The following PTPRG variants were observed in gnomAD, a reference collection of about 807,000 sequenced individuals.
The protein encoded by PTPRG is receptor-type tyrosine-protein phosphatase gamma.
PTPRG carries 102 observed loss-of-function variants against 165.3 expected under a neutral mutation model. That is an observed-to-expected ratio of 0.62 (90% CI 0.53 to 0.73). PTPRG has a LOEUF of 0.73. Ranked by LOEUF, PTPRG falls within the 30% of genes least tolerant of loss-of-function variation. The probability of loss-of-function intolerance (pLI) is 0.00; values close to 1 mark genes in which losing one functional copy is unlikely to be tolerated. For synonymous variants in PTPRG, 675 were observed against 669.5 expected, an observed-to-expected ratio of 1.01 and a Z score of -0.13; for missense variants, 1,866 against 1,861.4, an observed-to-expected ratio of 1.00 and a Z score of -0.05.
chr3:61,622,406 G>T (rs1701486219), intron 1 of PTPRG, among the ~76,000 whole-genome samples: 1 of 151,964 alleles, frequency 6.6e-6, no homozygotes, highest in Admixed American at 6.6e-5. Context: ...CATTTCTGTA[G>T]TTTTCCGTTG....
intron 4 of PTPRG, among the ~76,000 whole-genome samples, chr3:62,066,013 C>T (rs1172284030): frequency 6.6e-6 from 1 of 152,134 alleles, no homozygotes; most frequent in Non-Finnish European, 1.5e-5. Flanking sequence ...GATGTGGTAG[C>T]ATTCAGCTGT....
chr3:61,651,365 CT>C (rs11372460), intron 1 of PTPRG, among the ~76,000 whole-genome samples: 8 of 147,672 alleles, frequency 5.4e-5, no homozygotes, highest in African/African-American at 2.0e-4. Flanking sequence ...TGTTAATAAT[CT>C]TTTTTTTTTT....
chr3:61,792,979 G>C (rs1025568839), intron 2 of PTPRG, among the ~76,000 whole-genome samples: 1 of 152,004 alleles, frequency 6.6e-6, no homozygotes, highest in Admixed American at 6.6e-5. Context: ...TGGCCACTTC[G>C]GCCTTCCAAA....
In PTPRG at chr3:61,573,185, C is replaced by T. The variant is rs772336648; in HGVS notation, c.85+10813C>T. On this transcript the variant is annotated intron_variant, in intron 1 of 29. Coordinates refer to ENST00000474889, the MANE Select transcript of PTPRG (RefSeq NM_002841.4). ...AAGACAAAAGTGTGTTTTGAAAAAT[C>T]GCTCATTTAAGAGCTGGTTCTCTTG... is the stretch of plus-strand genomic sequence containing the variant. Among the ~76,000 whole-genome samples the T allele has an allele frequency of 5.9e-5, 9 of 152,066 alleles. No homozygotes were observed. In the South Asian group the frequency reaches 6.2e-4, roughly 11 times the overall value.
intron 1 of PTPRG, among the ~76,000 whole-genome samples, chr3:61,634,168 A>G (rs1021945050): frequency 6.6e-6 from 1 of 151,768 alleles, no homozygotes; most frequent in African/African-American, 2.4e-5. Flanking sequence ...TGTGTGCCAT[A>G]TGATCTATAT....
At position 62,103,959 on chromosome 3, in the gene PTPRG, C is replaced by T. The variant is rs145348853; in HGVS notation, c.615+25701C>T. On this transcript the variant is annotated intron_variant, in intron 5 of 29. Coordinates refer to ENST00000474889, the MANE Select transcript of PTPRG (RefSeq NM_002841.4). Reference sequence around the variant, plus strand: ...CACCATCAGATGCAGAATCCTGTTGCAATAAAATCATAAATGAAATAAAAG... The same window carrying T: ...CACCATCAGATGCAGAATCCTGTTGTAATAAAATCATAAATGAAATAAAAG... Among the ~76,000 whole-genome samples, 279 of 152,282 alleles carry T rather than the reference C, an allele frequency of 1.8e-3. 1 individual carries two copies. The highest frequency in any genetic ancestry group is 6.3e-3 in the African/African-American group (261 of 41,550).
chr3:62,153,771 G>A (rs950512230), intron 6 of PTPRG, among the ~76,000 whole-genome samples: 3 of 152,104 alleles, frequency 2.0e-5, no homozygotes, highest in African/African-American at 4.8e-5. Flanking sequence ...GGAAGGTTTC[G>A]TAACTTGCCT....
At chr3:61,975,918 T>C (rs2040491652) in intron 2 of PTPRG, among the ~76,000 whole-genome samples, 1 of 152,230 alleles carries the variant, frequency 6.6e-6, no homozygotes, top group Non-Finnish European at 1.5e-5. Flanking sequence ...TCTCCTTGTA[T>C]ACCCCTATTT....
intron 2 of PTPRG, among the ~76,000 whole-genome samples, chr3:61,981,491 A>G (rs1012895242): frequency 2.4e-4 from 36 of 152,142 alleles, no homozygotes; most frequent in Non-Finnish European, 4.3e-4. Context: ...TGCCATTTAG[A>G]TATTAGTATT....
chr3:62,109,746 A>G (rs765616626), intron 5 of PTPRG, among the ~76,000 whole-genome samples: 11 of 152,170 alleles, frequency 7.2e-5, no homozygotes, highest in Non-Finnish European at 1.0e-4. Flanking sequence ...TCATCTCAGC[A>G]GCTCTCAAAA....
At chr3:61,830,566 G>GTTTTTGTTTTTT (rs2036253232) in intron 2 of PTPRG, among the ~76,000 whole-genome samples, 15 of 86,490 alleles carry the variant, frequency 1.7e-4, no homozygotes, top group Non-Finnish European at 3.0e-4. Context: ...TTTTGTTTTT[G>GTTTTTGTTTTTT]TTTTTTTTTT....
intron 4 of PTPRG, among the ~76,000 whole-genome samples, chr3:62,068,043 G>C (rs951166156): frequency 2.0e-5 from 3 of 152,088 alleles, no homozygotes; most frequent in Admixed American, 1.3e-4. Flanking sequence ...AAGTAAGTGG[G>C]CTCTACAAGC....
intron 2 of PTPRG, among the ~76,000 whole-genome samples, chr3:61,773,534 G>T (rs955505986): frequency 6.6e-6 from 1 of 152,066 alleles, no homozygotes; most frequent in Non-Finnish European, 1.5e-5. Flanking sequence ...ATAATGTATT[G>T]AGCATTTCTT....
chr3:61,678,906 C>G (rs1429831925), intron 1 of PTPRG, among the ~76,000 whole-genome samples: 1 of 152,120 alleles, frequency 6.6e-6, no homozygotes, highest in Non-Finnish European at 1.5e-5. Flanking sequence ...ATGCTCACCC[C>G]TCATTAGTAT....
intron 1 of PTPRG, among the ~76,000 whole-genome samples, chr3:61,703,945 A>G (rs997254793): frequency 3.9e-5 from 6 of 152,208 alleles, no homozygotes; most frequent in African/African-American, 1.4e-4. Flanking sequence ...AGCTGGATAT[A>G]CTATTGATCA....
At chr3:61,999,341 C>G (rs2041115241) in intron 3 of PTPRG, among the ~76,000 whole-genome samples, 1 of 152,176 alleles carries the variant, frequency 6.6e-6, no homozygotes, top group Non-Finnish European at 1.5e-5. Context: ...GCCACCGTGC[C>G]TGGCCTGGGG....
intron 2 of PTPRG, among the ~76,000 whole-genome samples, chr3:61,791,102 A>G (rs566011113): frequency 6.6e-6 from 1 of 152,322 alleles, no homozygotes; most frequent in African/African-American, 2.4e-5. Flanking sequence ...GGGAAGAAGT[A>G]TGGTATAATT....
chr3:61,773,856 C>T (rs1258727208), intron 2 of PTPRG, among the ~76,000 whole-genome samples: 1 of 151,758 alleles, frequency 6.6e-6, no homozygotes, highest in Non-Finnish European at 1.5e-5. Flanking sequence ...CTCACCACAA[C>T]CTCCGTCCCC....
intron 5 of PTPRG, among the ~76,000 whole-genome samples, chr3:62,098,427 T>G (rs1039034081): frequency 6.6e-6 from 1 of 152,216 alleles, no homozygotes; most frequent in South Asian, 2.1e-4. Context: ...AAGGGACTTA[T>G]GCATCTGTGG....
Sources: allele counts gnomAD v4.1 joint callset (sites outside exome capture counted in the v4.1 genomes callset), GRCh38; gene constraint gnomAD v4.1.1; transcripts MANE v1.5; gene names NCBI Gene and HGNC (gene_info 2026-07-23, HGNC 2026-07-21).